HS6ST3: variants seen among roughly 807,000 people sequenced by gnomAD.
HS6ST3 encodes heparan sulfate 6-O-sulfotransferase 3.
Under a neutral mutation model 36.7 loss-of-function variants are expected in HS6ST3, and 12 were observed. The observed-to-expected ratio is 0.33, with a 90% CI of 0.21 to 0.53. The LOEUF (loss-of-function observed/expected upper bound fraction) is 0.53, where lower values mean the gene tolerates loss of function less well. Among genes scored for constraint, HS6ST3 ranks in the 20% least tolerant of loss-of-function variants. The probability of loss-of-function intolerance (pLI) is 0.95; values close to 1 mark genes in which losing one functional copy is unlikely to be tolerated. For missense variants in HS6ST3, 584 were observed against 640.9 expected, an observed-to-expected ratio of 0.91 and a Z score of 0.96; for synonymous variants, 240 against 257.5, an observed-to-expected ratio of 0.93 and a Z score of 0.65.
chr13:96,651,461 C>T (rs939993019), intron 1 of HS6ST3, among the ~76,000 whole-genome samples: 4 of 151,988 alleles, frequency 2.6e-5, no homozygotes, highest in African/African-American at 9.7e-5. Flanking sequence ...CCTCTGATAT[C>T]CCCAGCTTGG....
intron 1 of HS6ST3, among the ~76,000 whole-genome samples, chr13:96,227,734 T>G (rs2054487743): frequency 6.6e-6 from 1 of 152,192 alleles, no homozygotes. Context: ...CTCTTTTATG[T>G]CTTCTTATAT....
chr13:96,329,890 G>T (rs1392853742), intron 1 of HS6ST3, among the ~76,000 whole-genome samples: 4 of 144,140 alleles, frequency 2.8e-5, no homozygotes, highest in African/African-American at 1.0e-4. Context: ...TATATATTTA[G>T]GATAGTTAGC....
At chr13:96,392,735 T>C (rs1207425432) in intron 1 of HS6ST3, among the ~76,000 whole-genome samples, 1 of 152,126 alleles carries the variant, frequency 6.6e-6, no homozygotes, top group Non-Finnish European at 1.5e-5. Flanking sequence ...GCAGTAAGCA[T>C]TGGGAGACTG....
chr13:96,688,124 C>T (rs1047057711), intron 1 of HS6ST3, among the ~76,000 whole-genome samples: 4 of 150,608 alleles, frequency 2.7e-5, no homozygotes, highest in Non-Finnish European at 2.9e-5. Flanking sequence ...ATGTAAATGA[C>T]GAGTTAATGG....
chr13:96,689,606 C>CTTTCT (rs547289756), intron 1 of HS6ST3, among the ~76,000 whole-genome samples: 29 of 101,218 alleles, frequency 2.9e-4, no homozygotes, highest in South Asian at 3.6e-4. Flanking sequence ...TTCTTTCTTT[C>CTTTCT]TTTTTTTTTT....
At chr13:96,814,567 C>G (rs148975473) in intron 1 of HS6ST3, among the ~76,000 whole-genome samples, 68 of 152,050 alleles carry the variant, frequency 4.5e-4, no homozygotes, top group Non-Finnish European at 8.8e-4. Flanking sequence ...AGGAAATAGT[C>G]TAATTTTACT....
chr13:96,548,074 T>C (rs552926894), intron 1 of HS6ST3, among the ~76,000 whole-genome samples: 1 of 152,344 alleles, frequency 6.6e-6, no homozygotes, highest in South Asian at 2.1e-4. Context: ...TTTGTTTTGT[T>C]TGAAGTGTTG....
At chr13:96,510,084 T>C (rs2056043035) in intron 1 of HS6ST3, among the ~76,000 whole-genome samples, 1 of 149,876 alleles carries the variant, frequency 6.7e-6, no homozygotes, top group African/African-American at 2.5e-5. Flanking sequence ...TATTCCTAGG[T>C]ATTTTTATTT....
At chr13:96,161,765 G>A (rs1332468951) in intron 1 of HS6ST3, among the ~76,000 whole-genome samples, 1 of 152,154 alleles carries the variant, frequency 6.6e-6, no homozygotes, top group Non-Finnish European at 1.5e-5. Flanking sequence ...AATGGGTTAA[G>A]CAGAAGCACA....
At chr13:96,369,851 C>T (rs886398345) in intron 1 of HS6ST3, among the ~76,000 whole-genome samples, 2 of 152,020 alleles carry the variant, frequency 1.3e-5, no homozygotes, top group Non-Finnish European at 2.9e-5. Flanking sequence ...TGACTGTTTT[C>T]AGAAGATCTT....
In HS6ST3 at chr13:96,442,778, TAA is replaced by T. The variant is rs57528030; in HGVS notation, c.707+351224_707+351225del. Among the ~76,000 whole-genome samples the T allele has an allele frequency of 8.9e-4, 110 of 124,220 alleles. 1 individual carries two copies. The highest frequency in any genetic ancestry group is 4.1e-3 in the Middle Eastern group (1 of 246). 81.5% of individuals were successfully genotyped at this position (124,220 alleles called of 152,430 possible). A position where few individuals can be genotyped will look rare whatever the true frequency, so the allele number is the denominator to read the frequency against. ...ATATGATAAAAAGTACAATTGGAAG[TAA>T]AAAAAAAAAAAAAAGTCTGAGAACA... On this transcript the variant is annotated intron_variant, in intron 1 of 1. Transcript: ENST00000376705.
In HS6ST3 at chr13:96,764,701, G is replaced by A. The variant is rs1877052333; in HGVS notation, c.708-67789G>A. The stretch of plus-strand genomic sequence containing the variant: ...GCAGGATCCTTGCTTGCTGAGAGGT[G>A]AGAATGACATATCTGTTCCCCGGCG... On this transcript the variant is annotated intron_variant, in intron 1 of 1. Coordinates refer to ENST00000376705, the MANE Select transcript of HS6ST3 (RefSeq NM_153456.4). 3.9e-5 allele frequency among the ~76,000 whole-genome samples: 6 copies of A among 152,308 alleles called. No individual in the cohort carries two copies. In the South Asian group the frequency reaches 1.2e-3, roughly 32 times the overall value.
intron 1 of HS6ST3, among the ~76,000 whole-genome samples, chr13:96,540,511 C>T (rs1227546627): frequency 1.3e-5 from 2 of 152,104 alleles, no homozygotes; most frequent in East Asian, 3.9e-4. Flanking sequence ...TGTCTTCCAA[C>T]CCTCCTCCCA....
chr13:96,310,565 T>C (rs993530919), intron 1 of HS6ST3, among the ~76,000 whole-genome samples: 3 of 152,108 alleles, frequency 2.0e-5, no homozygotes, highest in Non-Finnish European at 4.4e-5. Context: ...GGAAGGAGAT[T>C]TGAGATATGC....
At chr13:96,485,505 A>G (rs774869926) in intron 1 of HS6ST3, among the ~76,000 whole-genome samples, 2 of 152,170 alleles carry the variant, frequency 1.3e-5, no homozygotes, top group African/African-American at 2.4e-5. Flanking sequence ...AATTTTCATC[A>G]TAGATAATCA....
chr13:96,253,618 C>T (rs9590375), intron 1 of HS6ST3, among the ~76,000 whole-genome samples: 4,591 of 152,222 alleles, frequency 0.03, 235 homozygotes, highest in African/African-American at 0.1. Context: ...CATATTCCAC[C>T]GTCTCACTGA....
In HS6ST3 at chr13:96,484,802, T is replaced by C. The variant is rs531009444; in HGVS notation, c.708-347688T>C. 1.8e-4 allele frequency among the ~76,000 whole-genome samples: 28 copies of C among 152,332 alleles called. 1 individual carries two copies. The South Asian group carries it at 5.4e-3, about 29-fold the overall frequency. ...TTGGCTATTGTAAATAATGCTGCAA[T>C]GAACATGGGAGTGCAGATATCTCTA... On this transcript the variant is annotated intron_variant, in intron 1 of 1. Coordinates refer to ENST00000376705, the MANE Select transcript of HS6ST3 (RefSeq NM_153456.4).
chr13:96,676,044 G>T (rs935139651), intron 1 of HS6ST3, among the ~76,000 whole-genome samples: 2 of 152,116 alleles, frequency 1.3e-5, no homozygotes, highest in East Asian at 3.9e-4. Flanking sequence ...AGATCCACCC[G>T]TGCACAGGCA....
chr13:96,808,551 T>A (rs539796667), intron 1 of HS6ST3, among the ~76,000 whole-genome samples: 3 of 152,242 alleles, frequency 2.0e-5, no homozygotes, highest in Non-Finnish European at 4.4e-5. Flanking sequence ...GATAGACACG[T>A]GACTTGAACG....
Sources: gnomAD v4.1 joint callset for allele counts (sites outside exome capture counted in the v4.1 genomes callset) on GRCh38, gnomAD v4.1.1 for gene constraint, MANE v1.5 for transcripts, NCBI Gene and HGNC (gene_info 2026-07-23, HGNC 2026-07-21) for gene names.